STAG1: variants seen among roughly 807,000 people sequenced by gnomAD.
STAG1 encodes the protein STAG1 cohesin complex component.
Under a neutral mutation model 170.9 loss-of-function variants are expected in STAG1, and 26 were observed. The ratio of observed to expected loss-of-function variants is 0.15; its 90% CI spans 0.11 to 0.21. The LOEUF (loss-of-function observed/expected upper bound fraction) is 0.21. Ranked by LOEUF, STAG1 falls within the 10% of genes least tolerant of loss-of-function variation. STAG1 has a pLI of 1.00. For synonymous variants in STAG1, 514 were observed against 497.7 expected, an observed-to-expected ratio of 1.03 and a Z score of -0.44; for missense variants, 964 against 1,509.5, an observed-to-expected ratio of 0.64 and a Z score of 5.99.
At chr3:136,452,882 C>A (rs989577286) in intron 13 of STAG1, among the ~76,000 whole-genome samples, 2 of 152,006 alleles carry the variant, frequency 1.3e-5, no homozygotes, top group South Asian at 4.2e-4. Context: ...CTCTGCCTCT[C>A]GGGTTCAAGC....
rs369282501 is a variant in STAG1 at position 136,452,787 on chromosome 3, C to T, written c.1314-640G>A. Among the ~76,000 whole-genome samples, 121 of 152,114 alleles carry T rather than the reference C, an allele frequency of 8.0e-4. 4 individuals are homozygous for T. In the South Asian group the frequency reaches 0.023, roughly 29 times the overall value. On this transcript the variant is annotated intron_variant, in intron 13 of 33. Coordinates refer to ENST00000383202, the MANE Select transcript of STAG1 (RefSeq NM_005862.3). ...TGATACTAGAATATGTAATTTTTAA[C>T]TGAGTTCTATTTTCTTTTTTGAGAC...
At chr3:136,615,324 G>A (rs1939529881) in intron 3 of STAG1, among the ~76,000 whole-genome samples, 1 of 148,784 alleles carries the variant, frequency 6.7e-6, no homozygotes, top group Non-Finnish European at 1.5e-5. Context: ...TGTAATATTA[G>A]GTTAGTTGAA....
At chr3:136,706,327 T>C (rs1374725930) in intron 1 of STAG1, among the ~76,000 whole-genome samples, 1 of 152,130 alleles carries the variant, frequency 6.6e-6, no homozygotes, top group East Asian at 1.9e-4. Context: ...CAATCCTATA[T>C]ATAAAATATT....
In STAG1 at chr3:136,539,876, T is replaced by C. The variant is rs117700346; in HGVS notation, c.471+2243A>G. ...ACAACTTACTTTTAGATCACTTTAC[T>C]GAAAATCTTAACAGCTTCAAACTAA... On this transcript the variant is annotated intron_variant, in intron 6 of 33. Transcript: ENST00000383202. Among the ~76,000 whole-genome samples, 65 of 152,306 alleles carry C rather than the reference T, an allele frequency of 4.3e-4. No homozygotes were observed. The East Asian group carries it at 9.2e-3, about 22-fold the overall frequency.
intron 4 of STAG1, among the ~76,000 whole-genome samples, chr3:136,581,388 T>C (rs1466145681): frequency 6.6e-6 from 1 of 152,196 alleles, no homozygotes; most frequent in Non-Finnish European, 1.5e-5. Flanking sequence ...CAATCCCTAA[T>C]ATTTTGCTGT....
In STAG1 at chr3:136,422,404, A is replaced by C; in HGVS notation, c.2037+6T>G. ...ATTATATGTACACATTAACTTTAGAACAGACCTCTTGCAATAGGTCTTCCA... is the reference window on the plus strand; with the variant it reads ...ATTATATGTACACATTAACTTTAGACCAGACCTCTTGCAATAGGTCTTCCA... On this transcript the variant is annotated splice_donor_region_variant and intron_variant, in intron 19 of 33. Coordinates refer to ENST00000383202, the MANE Select transcript of STAG1 (RefSeq NM_005862.3). 4 of 1,612,102 alleles carry C rather than the reference A, an allele frequency of 2.5e-6. No homozygotes were observed. Among genetic ancestry groups the C allele is most frequent in the Non-Finnish European group, 3.4e-6 (4 of 1,178,196 alleles).
At chr3:136,488,855 A>C (rs1435703162) in intron 9 of STAG1, among the ~76,000 whole-genome samples, 1 of 152,242 alleles carries the variant, frequency 6.6e-6, no homozygotes, top group Non-Finnish European at 1.5e-5. Context: ...AGAGTCCTCC[A>C]AATTTTATGT....
At chr3:136,674,446 T>C (rs1942074160) in intron 1 of STAG1, among the ~76,000 whole-genome samples, 1 of 152,152 alleles carries the variant, frequency 6.6e-6, no homozygotes, top group East Asian at 1.9e-4. Context: ...GTAGAAAAAT[T>C]CTGTCACTTA....
chr3:136,448,853 C>G (rs529176075), intron 14 of STAG1, among the ~76,000 whole-genome samples: 1 of 151,876 alleles, frequency 6.6e-6, no homozygotes, highest in Non-Finnish European at 1.5e-5. Flanking sequence ...ACAGGAGAAT[C>G]GCTTGAACCC....
Position 136,338,216 on chromosome 3 carries a change from A to C in STAG1, c.*38T>G, listed in dbSNP as rs1449880785. The C allele has an allele frequency of 6.7e-7, 1 of 1,493,162 alleles. No individual in the cohort carries two copies. Among genetic ancestry groups the C allele is most frequent in the Admixed American group, 1.7e-5 (1 of 59,340 alleles). The allele number at this position is 1,493,162 out of a possible 1,614,324, so 92.5% of individuals were successfully genotyped here. A position where few individuals can be genotyped will look rare whatever the true frequency, so the allele number is the denominator to read the frequency against. On this transcript the variant is annotated 3_prime_UTR_variant, in exon 34 of 34. Transcript: ENST00000383202. The stretch of plus-strand genomic sequence containing the variant: ...CACAGTATATAGGCCTCTAGCTCTA[A>C]ATAATAGAGTTCCAGATTTGTAAAT...
intron 7 of STAG1, among the ~76,000 whole-genome samples, chr3:136,515,107 G>C (rs1487518014): frequency 1.3e-5 from 2 of 152,116 alleles, no homozygotes; most frequent in Non-Finnish European, 2.9e-5. Context: ...GCTCAGGCCT[G>C]TAATCTCAGC....
At chr3:136,588,138 A>C (rs1937935943) in intron 4 of STAG1, among the ~76,000 whole-genome samples, 1 of 152,214 alleles carries the variant, frequency 6.6e-6, no homozygotes. Context: ...CAAAACATGA[A>C]TTCGCTCTTC....
At chr3:136,628,772 A>G (rs746123785) in intron 2 of STAG1, among the ~76,000 whole-genome samples, 1 of 152,180 alleles carries the variant, frequency 6.6e-6, no homozygotes, top group Non-Finnish European at 1.5e-5. Context: ...TCTGCTCTAC[A>G]TGTTATATCT....
At chr3:136,356,381 T>TA (rs1479786280) in intron 28 of STAG1, among the ~76,000 whole-genome samples, 3 of 152,150 alleles carry the variant, frequency 2.0e-5, no homozygotes, top group Non-Finnish European at 4.4e-5. Flanking sequence ...CTGTTATATT[T>TA]AAAAAATCGA....
At chr3:136,692,626 C>T (rs974521945) in intron 1 of STAG1, among the ~76,000 whole-genome samples, 2 of 151,514 alleles carry the variant, frequency 1.3e-5, no homozygotes, top group African/African-American at 2.4e-5. Flanking sequence ...CAAAGCAAGA[C>T]TCTGTCTCAA....
intron 2 of STAG1, among the ~76,000 whole-genome samples, chr3:136,627,571 C>T (rs552989415): frequency 3.9e-5 from 6 of 152,250 alleles, no homozygotes; most frequent in Admixed American, 2.6e-4. Flanking sequence ...TCTAGTTTTG[C>T]ACTATTACAA....
chr3:136,505,848 T>TG (rs1933731463), intron 7 of STAG1, among the ~76,000 whole-genome samples: 1 of 152,210 alleles, frequency 6.6e-6, no homozygotes, highest in African/African-American at 2.4e-5. Context: ...AGTGAAGGAA[T>TG]GGTCACATGA....
chr3:136,458,269 G>A (rs2089175476), intron 13 of STAG1, among the ~76,000 whole-genome samples: 2 of 152,002 alleles, frequency 1.3e-5, no homozygotes, highest in Admixed American at 1.3e-4. Flanking sequence ...CAATTCTCCT[G>A]CCTCAACCTC....
intron 1 of STAG1, among the ~76,000 whole-genome samples, chr3:136,696,929 A>C (rs1306657713): frequency 1.3e-5 from 2 of 152,176 alleles, no homozygotes; most frequent in African/African-American, 4.8e-5. Flanking sequence ...CTATATTTTG[A>C]TTCTGTTGAT....
Sources: gnomAD v4.1 joint callset for allele counts (sites outside exome capture counted in the v4.1 genomes callset) on GRCh38, gnomAD v4.1.1 for gene constraint, MANE v1.5 for transcripts, NCBI Gene and HGNC (gene_info 2026-07-23, HGNC 2026-07-21) for gene names.